NCKAP5: variants seen among roughly 807,000 people sequenced by gnomAD.
NCKAP5 encodes nck-associated protein 5.
Under a neutral mutation model 167.0 loss-of-function variants are expected in NCKAP5, and 92 were observed. That is an observed-to-expected ratio of 0.55 (90% CI 0.47 to 0.66). NCKAP5 has a LOEUF of 0.66. Among genes scored for constraint, NCKAP5 ranks in the 30% least tolerant of loss-of-function variants. The probability of loss-of-function intolerance (pLI) is 0.00; values close to 1 mark genes in which losing one functional copy is unlikely to be tolerated. For synonymous variants in NCKAP5, 891 were observed against 877.4 expected (o/e 1.02, Z -0.27); for missense variants, 2,378 against 2,315.0 (o/e 1.03, Z -0.56).
chr2:132,924,359 G>A (rs1164620574), intron 8 of NCKAP5, among the ~76,000 whole-genome samples: 1 of 152,102 alleles, frequency 6.6e-6, no homozygotes, highest in African/African-American at 2.4e-5. Flanking sequence ...GTTGCAATGA[G>A]CCAGCCAGAA....
intron 8 of NCKAP5, among the ~76,000 whole-genome samples, chr2:132,952,039 G>T (rs1046191736): frequency 3.3e-5 from 5 of 151,968 alleles, no homozygotes; most frequent in African/African-American, 4.8e-5. Flanking sequence ...TGCTTAATTG[G>T]CTATAACTAA....
chr2:133,083,107 G>A (rs949722120), intron 6 of NCKAP5, among the ~76,000 whole-genome samples: 5 of 152,206 alleles, frequency 3.3e-5, no homozygotes, highest in South Asian at 4.2e-4. Flanking sequence ...CTCTCTTTAA[G>A]TGGTGTTAAG....
chr2:133,041,761 C>T (rs1215598119), intron 6 of NCKAP5, among the ~76,000 whole-genome samples: 1 of 152,114 alleles, frequency 6.6e-6, no homozygotes, highest in Non-Finnish European at 1.5e-5. Flanking sequence ...AGTGAACATA[C>T]ACAAGGTCCT....
the NCKAP5 span, among the ~76,000 whole-genome samples, chr2:133,658,190 A>T: frequency 6.6e-6 from 1 of 150,952 alleles, no homozygotes; most frequent in East Asian, 2.0e-4. Context: ...GGAAACACCT[A>T]CTTAAGGTTA....
At chr2:133,226,242 A>C (rs1328277718) in intron 4 of NCKAP5, among the ~76,000 whole-genome samples, 1 of 152,146 alleles carries the variant, frequency 6.6e-6, no homozygotes, top group Non-Finnish European at 1.5e-5. Context: ...CACCGGGCCC[A>C]AAAAGGTGGT....
At chr2:133,006,300 A>C (rs560403032) in intron 6 of NCKAP5, among the ~76,000 whole-genome samples, 41 of 152,230 alleles carry the variant, frequency 2.7e-4, no homozygotes, top group Non-Finnish European at 4.9e-4. Context: ...AACAAACAAA[A>C]AAAGATTTCT....
At chr2:133,540,518 C>A (rs1466068110) in intron 2 of NCKAP5, among the ~76,000 whole-genome samples, 1 of 152,050 alleles carries the variant, frequency 6.6e-6, no homozygotes, top group East Asian at 1.9e-4. Context: ...CAGACACTCA[C>A]TAAAATAATG....
chr2:133,030,868 C>T (rs949115337), intron 6 of NCKAP5, among the ~76,000 whole-genome samples: 1 of 152,130 alleles, frequency 6.6e-6, no homozygotes, highest in African/African-American at 2.4e-5. Flanking sequence ...CCCTTGTCTC[C>T]TGCAGCTTCT....
At chr2:133,670,898 A>C in the NCKAP5 span, among the ~76,000 whole-genome samples, 1 of 152,124 alleles carries the variant, frequency 6.6e-6, no homozygotes, top group African/African-American at 2.4e-5. Flanking sequence ...CTAATATCCT[A>C]TCTCTAGCTT....
chr2:132,766,784 C>A (rs1017843126), intron 16 of NCKAP5, among the ~76,000 whole-genome samples: 13 of 152,344 alleles, frequency 8.5e-5, no homozygotes, highest in African/African-American at 3.1e-4. Context: ...GCATTCTCTC[C>A]TCTGCTGGGT....
chr2:133,666,693 A>G, the NCKAP5 span, among the ~76,000 whole-genome samples: 1 of 151,372 alleles, frequency 6.6e-6, no homozygotes, highest in South Asian at 2.1e-4. Context: ...AGATTAAAAT[A>G]TTCTAAATTA....
At chr2:133,307,869 A>G (rs552519384) in intron 3 of NCKAP5, among the ~76,000 whole-genome samples, 31 of 152,134 alleles carry the variant, frequency 2.0e-4, no homozygotes, top group African/African-American at 6.8e-4. Context: ...TTCACAATAT[A>G]AAAAGAGGCT....
chr2:133,137,445 T>A (rs2149822553), intron 5 of NCKAP5, among the ~76,000 whole-genome samples: 1 of 145,498 alleles, frequency 6.9e-6, no homozygotes, highest in Admixed American at 7.2e-5. Context: ...TGTGTGTGTG[T>A]GTGTGTTTTG....
At chr2:133,636,951 A>C in the NCKAP5 span, among the ~76,000 whole-genome samples, 1 of 152,198 alleles carries the variant, frequency 6.6e-6, no homozygotes, top group African/African-American at 2.4e-5. Flanking sequence ...ACCTCTGGTT[A>C]GGAAAACAAA....
chr2:133,029,791 C>T (rs2078822336), intron 6 of NCKAP5, among the ~76,000 whole-genome samples: 3 of 152,162 alleles, frequency 2.0e-5, no homozygotes, highest in Admixed American at 2.0e-4. Context: ...GGGCAGTGAA[C>T]ATCAGTGGTG....
At chr2:132,832,434 C>T (rs1365856396) in intron 11 of NCKAP5, among the ~76,000 whole-genome samples, 1 of 152,082 alleles carries the variant, frequency 6.6e-6, no homozygotes, top group Non-Finnish European at 1.5e-5. Flanking sequence ...GGATAGATTG[C>T]ATAATGGTCC....
At chr2:133,647,094 A>G in the NCKAP5 span, among the ~76,000 whole-genome samples, 5 of 152,090 alleles carry the variant, frequency 3.3e-5, no homozygotes, top group African/African-American at 1.2e-4. Flanking sequence ...CAAGACTAAC[A>G]GAGGAGGCCA....
the NCKAP5 span, among the ~76,000 whole-genome samples, chr2:133,589,825 G>A: frequency 6.6e-6 from 1 of 152,124 alleles, no homozygotes; most frequent in Non-Finnish European, 1.5e-5. Context: ...CTTAGAGAGA[G>A]AAGAAGATGT....
chr2:133,284,499 A>C (rs1365743799), intron 4 of NCKAP5, among the ~76,000 whole-genome samples: 1 of 152,204 alleles, frequency 6.6e-6, no homozygotes, highest in African/African-American at 2.4e-5. Context: ...ACTCTGCCAA[A>C]GACAGATGGC....
Sources: gnomAD v4.1 joint callset for allele counts (sites outside exome capture counted in the v4.1 genomes callset) on GRCh38, gnomAD v4.1.1 for gene constraint, MANE v1.5 for transcripts, NCBI Gene and HGNC (gene_info 2026-07-23, HGNC 2026-07-21) for gene names.